The following MAD1L1 variants were observed in gnomAD, a reference collection of about 807,000 sequenced individuals.
MAD1L1 encodes the protein mitotic arrest deficient 1 like 1.
A neutral mutation model predicts 96.9 loss-of-function variants in MAD1L1; 95 were observed. The ratio of observed to expected loss-of-function variants is 0.98; its 90% CI spans 0.83 to 1.16. The LOEUF (loss-of-function observed/expected upper bound fraction) is 1.16. MAD1L1 is among the 50% of genes most tolerant of loss of function. The pLI, the probability that MAD1L1 is intolerant of heterozygous loss-of-function variation, is 0.00. For synonymous variants in MAD1L1, 473 were observed against 396.6 expected (o/e 1.19, Z -2.29); for missense variants, 1,007 against 954.4 (o/e 1.06, Z -0.73).
intron 11 of MAD1L1, among the ~76,000 whole-genome samples, chr7:2,101,236 TG>T (rs1236810610): frequency 6.6e-6 from 1 of 152,150 alleles, no homozygotes; most frequent in South Asian, 2.1e-4. Context: ...GGGTCTGCCC[TG>T]GGGGGAAGGG....
intron 10 of MAD1L1, among the ~76,000 whole-genome samples, chr7:2,149,952 G>A (rs1319483856): frequency 6.6e-6 from 1 of 152,192 alleles, no homozygotes; most frequent in Non-Finnish European, 1.5e-5. Context: ...GGGGCACAAA[G>A]CCAAGGCTCC....
chr7:1,929,430 G>A (rs549198424), intron 17 of MAD1L1, among the ~76,000 whole-genome samples: 1 of 152,302 alleles, frequency 6.6e-6, no homozygotes, highest in Admixed American at 6.5e-5. Context: ...AGGAGTCAGA[G>A]CCAGCACGGG....
Position 1,936,701 on chromosome 7 carries a change from G to T in MAD1L1, c.1793C>A (p.Ser598Tyr). Residue 598 changes from serine to tyrosine, a missense_variant, in exon 17 of 19, where the codon TCC (serine) becomes TAC (tyrosine). Transcript: ENST00000265854. The stretch of plus-strand genomic sequence containing the variant: ...GGGGTGCCTACCTGCCACCTCCTTG[G>T]ACGATGGCAGACTCGCGGCGGCAGC... ...LEAAAASLPS[S>Y]KEVAELKKQV... The T allele has an allele frequency of 1.3e-6, 2 of 1,554,428 alleles. No individual in the cohort carries two copies. The highest frequency in any genetic ancestry group is 2.4e-5 in the East Asian group (1 of 41,502).
At chr7:1,985,619 G>A (rs2128486325) in intron 14 of MAD1L1, among the ~76,000 whole-genome samples, 1 of 152,296 alleles carries the variant, frequency 6.6e-6, no homozygotes, top group African/African-American at 2.4e-5. Context: ...TCCTCCCTCT[G>A]CCATCCTGAC....
At chr7:2,226,201 C>T (rs1266085951) in intron 3 of MAD1L1, among the ~76,000 whole-genome samples, 1 of 152,240 alleles carries the variant, frequency 6.6e-6, no homozygotes, top group Non-Finnish European at 1.5e-5. Flanking sequence ...ATCTCCCTAT[C>T]TCAAGGTCAA....
chr7:2,011,032 C>T (rs1782275496), intron 13 of MAD1L1, among the ~76,000 whole-genome samples: 1 of 152,084 alleles, frequency 6.6e-6, no homozygotes, highest in Non-Finnish European at 1.5e-5. Flanking sequence ...AAAAGAAAAA[C>T]CGGGTGGAGG....
intron 15 of MAD1L1, among the ~76,000 whole-genome samples, chr7:1,963,113 C>T (rs181080034): frequency 9.9e-4 from 150 of 152,270 alleles, no homozygotes; most frequent in African/African-American, 3.1e-3. Context: ...TGAAAGAAAA[C>T]GAAGTCGATT....
chr7:1,863,769 A>T (rs1784644390), intron 18 of MAD1L1, among the ~76,000 whole-genome samples: 1 of 152,018 alleles, frequency 6.6e-6, no homozygotes, highest in Non-Finnish European at 1.5e-5. Context: ...CAGCCCCGTC[A>T]GGCACCCGGG....
At chr7:1,990,614 C>T (rs898457059) in intron 14 of MAD1L1, among the ~76,000 whole-genome samples, 3 of 152,274 alleles carry the variant, frequency 2.0e-5, no homozygotes, top group East Asian at 3.8e-4. Flanking sequence ...CCTGATGCAC[C>T]GCCCCTGGGA....
chr7:2,190,133 G>A (rs1185502281), intron 10 of MAD1L1, among the ~76,000 whole-genome samples: 1 of 152,138 alleles, frequency 6.6e-6, no homozygotes, highest in East Asian at 1.9e-4. Context: ...AAAGCTGGAG[G>A]GCTTACTATG....
chr7:1,903,472 C>T (rs1475635872), intron 17 of MAD1L1, among the ~76,000 whole-genome samples: 1 of 145,068 alleles, frequency 6.9e-6, no homozygotes, highest in African/African-American at 2.7e-5. Flanking sequence ...CTACTGAAGA[C>T]GCTCTTGCGG....
chr7:2,058,449 G>A (rs1316364377), intron 12 of MAD1L1, among the ~76,000 whole-genome samples: 1 of 51,290 alleles, frequency 1.9e-5, no homozygotes, highest in African/African-American at 9.0e-5. Context: ...GAGGAGAGGC[G>A]CGAGGCTGGA....
Position 2,222,714 on chromosome 7 carries a change from C to T in MAD1L1, c.332G>A (p.Arg111Gln), listed in dbSNP as rs200152226. The change falls in exon 5 of 19, where the codon CGG (arginine) becomes CAG (glutamine). Residue 111 changes from arginine to glutamine, a missense_variant. Coordinates refer to ENST00000265854, the MANE Select transcript of MAD1L1 (RefSeq NM_001013836.2). ...DRNQELLTRI[R>Q]QLQEREAGAE... ...CCCGGCCTCCCGCTCCTGAAGCTGC[C>T]GGATGCGCGTCAGGAGCTCCTGGTT... 3.4e-5 allele frequency: 55 copies of T among 1,609,032 alleles called. No individual in the cohort carries two copies. The highest frequency in any genetic ancestry group is 1.7e-4 in the Middle Eastern group (1 of 6,060).
At chr7:1,980,382 C>T (rs1420976133) in intron 15 of MAD1L1, 71 bp downstream of exon 15, 1 of 1,357,398 alleles carries the variant, frequency 7.4e-7, no homozygotes, top group Admixed American at 2.0e-5. Context: ...CCGCAGGACA[C>T]ACCTGGGCGT....
Position 1,828,402 on chromosome 7 carries a change from C to T in MAD1L1, c.1999-12174G>A, listed in dbSNP as rs1307654124. Among the ~76,000 whole-genome samples the T allele has an allele frequency of 2.0e-5, 3 of 152,126 alleles. No individual in the cohort carries two copies. In the East Asian group the frequency reaches 5.8e-4, roughly 29 times the overall value. ...GGAGGGCTGAGTTCGCTGGAGTGCT[C>T]AGTGAGAGGCTGAGAAAACCTGGAG... On this transcript the variant is annotated intron_variant, in intron 18 of 18. Transcript: ENST00000265854.
intron 11 of MAD1L1, among the ~76,000 whole-genome samples, chr7:2,111,416 C>T (rs1787374357): frequency 6.6e-6 from 1 of 152,156 alleles, no homozygotes; most frequent in Admixed American, 6.5e-5. Context: ...AAGGAGCGTG[C>T]CTCGGAATGA....
At chr7:2,229,253 G>A (rs1451037016) in intron 3 of MAD1L1, among the ~76,000 whole-genome samples, 4 of 152,020 alleles carry the variant, frequency 2.6e-5, no homozygotes, top group East Asian at 1.9e-4. Flanking sequence ...AGGAGCCTGC[G>A]CAGCCACAGG....
chr7:2,033,605 C>G (rs557216104), intron 12 of MAD1L1, among the ~76,000 whole-genome samples: 4 of 152,236 alleles, frequency 2.6e-5, no homozygotes, highest in African/African-American at 7.2e-5. Flanking sequence ...ACAGAAGAAA[C>G]GTAACTGACA....
At chr7:2,224,424 G>A (rs984963826) in intron 4 of MAD1L1, among the ~76,000 whole-genome samples, 2 of 152,160 alleles carry the variant, frequency 1.3e-5, no homozygotes, top group Non-Finnish European at 2.9e-5. Context: ...AAGCAGCAAC[G>A]GAGCCAACCC....
Sources: gnomAD v4.1 joint callset for allele counts (sites outside exome capture counted in the v4.1 genomes callset) on GRCh38, gnomAD v4.1.1 for gene constraint, MANE v1.5 for transcripts, NCBI Gene and HGNC (gene_info 2026-07-23, HGNC 2026-07-21) for gene names.